The following RAB3B variants were observed in gnomAD, a reference collection of about 807,000 sequenced individuals.
RAB3B encodes the protein ras-related protein Rab-3B.
Under a neutral mutation model 20.5 loss-of-function variants are expected in RAB3B, and 11 were observed. The ratio of observed to expected loss-of-function variants is 0.54; its 90% CI spans 0.34 to 0.89. RAB3B has a LOEUF of 0.89. RAB3B is among the 40% of genes least tolerant of loss of function. The pLI is 0.02. For synonymous variants in RAB3B, 99 were observed against 106.3 expected (o/e 0.93, Z 0.42); for missense variants, 225 against 280.9 (o/e 0.80, Z 1.42).
intron 1 of RAB3B, among the ~76,000 whole-genome samples, chr1:51,981,716 CG>C (rs373348658): frequency 6.6e-6 from 1 of 152,170 alleles, no homozygotes; most frequent in Admixed American, 6.5e-5. Flanking sequence ...TGTACAATGG[CG>C]GTCCCATAAG....
At chr1:51,955,530 TAC>T (rs1353027496) in intron 2 of RAB3B, among the ~76,000 whole-genome samples, 1 of 152,140 alleles carries the variant, frequency 6.6e-6, no homozygotes, top group East Asian at 1.9e-4. Context: ...TAGCTGCGAT[TAC>T]AGGTATGTGT....
At chr1:51,983,004 T>C (rs1685107444) in intron 1 of RAB3B, among the ~76,000 whole-genome samples, 1 of 152,128 alleles carries the variant, frequency 6.6e-6, no homozygotes, top group Admixed American at 6.6e-5. Context: ...CTGCCGGCCC[T>C]GCAAGCTCCA....
At position 51,919,632 on chromosome 1, in the gene RAB3B, G is replaced by A. The variant is rs1433913823; in HGVS notation, c.*295C>T. On this transcript the variant is annotated 3_prime_UTR_variant, in exon 5 of 5. Coordinates refer to ENST00000371655, the MANE Select transcript of RAB3B (RefSeq NM_002867.4). ...GAACTCTCATTTTAAAGGCAGAAAA[G>A]AGACTGTTCTCTAAGTCCCTGTAGT... 3.5e-6 allele frequency: 1 copy of A among 285,778 alleles called. No homozygotes were observed. The highest frequency in any genetic ancestry group is 6.5e-6 in the Non-Finnish European group (1 of 153,720). The allele number at this position is 285,778 out of a possible 1,614,324, so 17.7% of individuals were successfully genotyped here.
At chr1:51,963,471 T>C (rs147054033) in intron 2 of RAB3B, among the ~76,000 whole-genome samples, 1 of 152,312 alleles carries the variant, frequency 6.6e-6, no homozygotes, top group African/African-American at 2.4e-5. Flanking sequence ...GCCTTTATCC[T>C]CAGAGCAAAA....
At position 51,914,742 on chromosome 1, in the gene RAB3B, A is replaced by C. The variant is rs1177890642; in HGVS notation, c.*5185T>G. On this transcript the variant is annotated 3_prime_UTR_variant, in exon 5 of 5. Coordinates refer to ENST00000371655, the MANE Select transcript of RAB3B (RefSeq NM_002867.4). The stretch of plus-strand genomic sequence containing the variant: ...AGGTAATTGGGTGTAGGCTTGGGGC[A>C]GGGAATCTGAAATCAATGAGATCCC... 1.3e-5 allele frequency: 2 copies of C among 152,126 alleles called. No individual in the cohort carries two copies. The highest frequency in any genetic ancestry group is 4.8e-5 in the African/African-American group (2 of 41,418). 9.4% of individuals were successfully genotyped at this position (152,126 alleles called of 1,614,324 possible). A position where few individuals can be genotyped will look rare whatever the true frequency, so the allele number is the denominator to read the frequency against.
chr1:51,958,461 T>A (rs553780749), intron 2 of RAB3B, among the ~76,000 whole-genome samples: 7 of 152,126 alleles, frequency 4.6e-5, no homozygotes, highest in Non-Finnish European at 8.8e-5. Context: ...CGGTGGCTCA[T>A]GCCTGTAATC....
intron 2 of RAB3B, among the ~76,000 whole-genome samples, chr1:51,943,345 C>G (rs966226226): frequency 6.6e-6 from 1 of 152,126 alleles, no homozygotes; most frequent in Non-Finnish European, 1.5e-5. Flanking sequence ...GATCACACCA[C>G]TGCACTCCAG....
intron 2 of RAB3B, among the ~76,000 whole-genome samples, chr1:51,944,754 C>T (rs12740272): frequency 6.6e-6 from 1 of 152,176 alleles, no homozygotes; most frequent in African/African-American, 2.4e-5. Flanking sequence ...GCAGTTGCTT[C>T]TTACAGATGA....
At chr1:51,986,088 C>T (rs557269633) in intron 1 of RAB3B, among the ~76,000 whole-genome samples, 2 of 151,752 alleles carry the variant, frequency 1.3e-5, no homozygotes, top group African/African-American at 4.8e-5. Flanking sequence ...GGGAAAATCA[C>T]TTGAGGCCAG....
chr1:51,971,029 A>G (rs1050389523), intron 2 of RAB3B, among the ~76,000 whole-genome samples: 5 of 151,298 alleles, frequency 3.3e-5, no homozygotes, highest in South Asian at 2.1e-4. Context: ...AAAAAAAAAA[A>G]AAAAGAAAGA....
intron 2 of RAB3B, among the ~76,000 whole-genome samples, chr1:51,942,328 A>C (rs957868606): frequency 6.6e-6 from 1 of 152,224 alleles, no homozygotes; most frequent in Admixed American, 6.5e-5. Flanking sequence ...TTGTCACCCA[A>C]CTGAATCCCA....
chr1:51,969,290 A>T (rs891166054), intron 2 of RAB3B, among the ~76,000 whole-genome samples: 4 of 152,178 alleles, frequency 2.6e-5, no homozygotes, highest in Non-Finnish European at 4.4e-5. Context: ...CTGTCTCAAC[A>T]TTAAATACAT....
intron 2 of RAB3B, among the ~76,000 whole-genome samples, chr1:51,963,320 T>C (rs1421972634): frequency 6.6e-6 from 1 of 152,130 alleles, no homozygotes; most frequent in Non-Finnish European, 1.5e-5. Flanking sequence ...TGTTGTTACC[T>C]CCCTCTTGGC....
Position 51,914,222 on chromosome 1 carries a change from T to C in RAB3B, c.*5705A>G, listed in dbSNP as rs1684049526. On this transcript the variant is annotated 3_prime_UTR_variant, in exon 5 of 5. Coordinates refer to ENST00000371655, the MANE Select transcript of RAB3B (RefSeq NM_002867.4). Reference sequence around the variant, plus strand: ...ATTCTTTCTCCTATCCTCAGTCTTCTTGGGGCATTTGTATTTGATCAGTCA... The same window carrying C: ...ATTCTTTCTCCTATCCTCAGTCTTCCTGGGGCATTTGTATTTGATCAGTCA... The C allele has an allele frequency of 6.6e-6, 1 of 152,234 alleles. No homozygotes were observed. Among genetic ancestry groups the C allele is most frequent in the South Asian group, 2.1e-4 (1 of 4,828 alleles). The allele number at this position is 152,234 out of a possible 1,614,324, so 9.4% of individuals were successfully genotyped here.
chr1:51,987,503 G>A (rs1685167872), intron 1 of RAB3B, among the ~76,000 whole-genome samples: 1 of 152,064 alleles, frequency 6.6e-6, no homozygotes, highest in African/African-American at 2.4e-5. Context: ...TTGTCTCTGT[G>A]CTTCATGGTT....
chr1:51,954,380 C>T (rs1264472393), intron 2 of RAB3B, among the ~76,000 whole-genome samples: 2 of 152,186 alleles, frequency 1.3e-5, no homozygotes, highest in Admixed American at 6.5e-5. Context: ...TGGAAAGGAA[C>T]CAACCACCAA....
At chr1:51,931,655 G>A (rs1454493483) in intron 4 of RAB3B, among the ~76,000 whole-genome samples, 2 of 152,122 alleles carry the variant, frequency 1.3e-5, no homozygotes, top group African/African-American at 4.8e-5. Context: ...TCGGGAGACA[G>A]ACAAGTAAAT....
Position 51,912,542 on chromosome 1 carries a change from TAAAAAAAAAAAA to T in RAB3B, c.*7373_*7384del, listed in dbSNP as rs61590258. The T allele has an allele frequency of 1.6e-4, 1 of 6,390 alleles. No homozygotes were observed. Among genetic ancestry groups the T allele is most frequent in the Non-Finnish European group, 2.3e-4 (1 of 4,312 alleles). The allele number at this position is 6,390 out of a possible 1,614,324, so 0.4% of individuals were successfully genotyped here. Reference sequence around the variant, plus strand: ...GGCAACATAGCAAGACCGTCTCTATTAAAAAAAAAAAAATATATATATATATATATATATATA... The same window carrying T: ...GGCAACATAGCAAGACCGTCTCTATTATATATATATATATATATATATATA... On this transcript the variant is annotated 3_prime_UTR_variant, in exon 5 of 5. Transcript: ENST00000371655.
At chr1:51,956,259 T>C (rs1263879461) in intron 2 of RAB3B, among the ~76,000 whole-genome samples, 2 of 152,196 alleles carry the variant, frequency 1.3e-5, no homozygotes, top group Non-Finnish European at 2.9e-5. Flanking sequence ...GTAATAATTG[T>C]TATAATCAAA....
Sources: allele counts gnomAD v4.1 joint callset (sites outside exome capture counted in the v4.1 genomes callset), GRCh38; gene constraint gnomAD v4.1.1; transcripts MANE v1.5; gene names NCBI Gene and HGNC (gene_info 2026-07-23, HGNC 2026-07-21).